The following STX7 variants were observed in gnomAD, a reference collection of about 807,000 sequenced individuals.
STX7 encodes syntaxin 7.
STX7 carries 34 observed loss-of-function variants against 39.6 expected under a neutral mutation model. That is an observed-to-expected ratio of 0.86 (90% CI 0.65 to 1.14). The LOEUF (loss-of-function observed/expected upper bound fraction) is 1.14, where lower values mean the gene tolerates loss of function less well. Among genes scored for constraint, STX7 ranks in the 50% most tolerant of loss-of-function variants. STX7 has a pLI of 0.00. For missense variants in STX7, 284 were observed against 310.4 expected (o/e 0.92, Z 0.64); for synonymous variants, 119 against 99.1 (o/e 1.20, Z -1.19).
Position 132,470,582 on chromosome 6 carries a change from G to T in STX7, c.432C>A (p.Ser144=). ...TGTTTTGTATTTCTTACCTTTCCCA[G>T]GATACAAGATTCCTTTCTTTTGAGC... is the stretch of plus-strand genomic sequence containing the variant. The part of the protein sequence containing the change: ...EDSSKERNLV[S]WESQTQPQVQ... Residue 144 remains serine (S), a synonymous_variant, in exon 6 of 10, where the codon TCC becomes TCA. Coordinates refer to ENST00000367941, the MANE Select transcript of STX7 (RefSeq NM_003569.3). The T allele has an allele frequency of 6.2e-7, 1 of 1,604,668 alleles. No individual in the cohort carries two copies. The highest frequency in any genetic ancestry group is 1.1e-5 in the South Asian group (1 of 89,962).
At chr6:132,470,650 G>T in intron 5 of STX7, 24 bp from the exon 6 acceptor site, 1 of 1,585,904 alleles carries the variant, frequency 6.3e-7, no homozygotes, top group Non-Finnish European at 8.6e-7. Context: ...TAACAGGATG[G>T]AATGAGAAGG....
In STX7 at chr6:132,471,491, G is replaced by A; in HGVS notation, c.359C>T (p.Ala120Val). The change falls in exon 5 of 10, where the codon GCT becomes GTT. Residue 120 changes from alanine (A) to valine (V), a missense_variant. Ala to Val is a moderately conservative substitution (Grantham distance 64). Coordinates refer to ENST00000367941, the MANE Select transcript of STX7 (RefSeq NM_003569.3). Reference protein sequence around the residue: ...QAAEREKEFVARVRASSRVSG... With the variant: ...QAAEREKEFVVRVRASSRVSG... ...CACTCTGGAACTGGCTCTTACTCGA[G>A]CAACAAACTCTTTCTCTCGCTCAGC... 6.2e-7 allele frequency: 1 copy of A among 1,613,860 alleles called. No homozygotes were observed. The highest frequency in any genetic ancestry group is 8.5e-7 in the Non-Finnish European group (1 of 1,179,866).
intron 2 of STX7, among the ~76,000 whole-genome samples, chr6:132,500,797 A>C (rs1775538536): frequency 6.6e-6 from 1 of 152,210 alleles, no homozygotes; most frequent in African/African-American, 2.4e-5. Context: ...TCTTATTAAT[A>C]AGTCTGAGAA....
chr6:132,473,172 TA>T (rs1774777719), intron 3 of STX7, among the ~76,000 whole-genome samples: 1 of 151,922 alleles, frequency 6.6e-6, no homozygotes, highest in South Asian at 2.1e-4. Flanking sequence ...AAAATAAAAA[TA>T]AAAAGGAAAG....
intron 8 of STX7, among the ~76,000 whole-genome samples, chr6:132,467,175 T>C (rs1774584925): frequency 6.6e-6 from 1 of 152,200 alleles, no homozygotes; most frequent in Non-Finnish European, 1.5e-5. Flanking sequence ...AAAACTGAAA[T>C]CTTCCTACCT....
chr6:132,470,679 G>A (rs1774691705), intron 5 of STX7, 53 bp from the exon 6 acceptor site: 3 of 1,334,692 alleles, frequency 2.2e-6, no homozygotes, highest in African/African-American at 1.5e-5. Context: ...AAGCAAAAAT[G>A]AGAAAAAATA....
At chr6:132,507,074 C>G (rs975141189) in intron 1 of STX7, among the ~76,000 whole-genome samples, 1 of 152,166 alleles carries the variant, frequency 6.6e-6, no homozygotes, top group East Asian at 1.9e-4. Context: ...GCTGCATGTT[C>G]TCACTTGTAA....
chr6:132,512,578 G>GTTTA (rs1006684026), intron 1 of STX7, among the ~76,000 whole-genome samples: 2 of 152,218 alleles, frequency 1.3e-5, no homozygotes, highest in Non-Finnish European at 2.9e-5. Flanking sequence ...TATTCGGGAA[G>GTTTA]TTTAGTGTGT....
chr6:132,475,360 G>C (rs1348745424), intron 3 of STX7: 2 of 277,896 alleles, frequency 7.2e-6, no homozygotes, highest in East Asian at 6.2e-5. Context: ...CTGAACTTGT[G>C]ATCTGCCCAC....
Position 132,452,423 on chromosome 6 carries a change from A to G in STX7, c.*8335T>C, listed in dbSNP as rs978141607. On this transcript the variant is annotated 3_prime_UTR_variant, in exon 10 of 10. Coordinates refer to ENST00000367941, the MANE Select transcript of STX7 (RefSeq NM_003569.3). The stretch of plus-strand genomic sequence containing the variant: ...AGGAAAAAAAAAAGGAATATAGGTC[A>G]GAAATGAAGAGATAAAACTATTCAT... 3 of 151,898 alleles carry G rather than the reference A, an allele frequency of 2.0e-5. No individual in the cohort carries two copies. Among genetic ancestry groups the G allele is most frequent in the South Asian group, 2.1e-4 (1 of 4,826 alleles). The allele number at this position is 151,898 out of a possible 1,614,324, so 9.4% of individuals were successfully genotyped here.
rs1774228739 is a variant in STX7, at chr6:132,455,812, T to A, written c.*4946A>T. 6.6e-6 allele frequency: 1 copy of A among 152,204 alleles called. No homozygotes were observed. The highest frequency in any genetic ancestry group is 2.1e-4 in the South Asian group (1 of 4,828). The allele number at this position is 152,204 out of a possible 1,614,324, so 9.4% of individuals were successfully genotyped here. A position where few individuals can be genotyped will look rare whatever the true frequency, so the allele number is the denominator to read the frequency against. ...CAAAGAATTAAAATTGGTGTATTGA[T>A]ATGGTATTTGAATAATGAGAAAATG... On this transcript the variant is annotated 3_prime_UTR_variant, in exon 10 of 10. Coordinates refer to ENST00000367941, the MANE Select transcript of STX7 (RefSeq NM_003569.3).
At chr6:132,505,872 T>C (rs895304673) in intron 1 of STX7, among the ~76,000 whole-genome samples, 20 of 151,132 alleles carry the variant, frequency 1.3e-4, no homozygotes, top group African/African-American at 4.6e-4. Context: ...TAAAACAGCA[T>C]GATATTCATA....
At chr6:132,478,318 AT>A (rs1774926669) in intron 2 of STX7, among the ~76,000 whole-genome samples, 1 of 152,252 alleles carries the variant, frequency 6.6e-6, no homozygotes, top group Non-Finnish European at 1.5e-5. Context: ...TGAATGCTAT[AT>A]AAAATTACTC....
At chr6:132,481,741 AC>A (rs1427212317) in intron 2 of STX7, among the ~76,000 whole-genome samples, 1 of 152,244 alleles carries the variant, frequency 6.6e-6, no homozygotes, top group African/African-American at 2.4e-5. Flanking sequence ...GGACAAAAAA[AC>A]CCCAAAAGTA....
intron 2 of STX7, among the ~76,000 whole-genome samples, chr6:132,485,442 G>A (rs1578075): frequency 0.24 from 36,428 of 151,938 alleles, 4,953 homozygotes; most frequent in East Asian, 0.65. Context: ...GTTGTTTCCC[G>A]TTTTTGTCCA....
At position 132,478,157 on chromosome 6, in the gene STX7, G is replaced by A. The variant is rs189221632; in HGVS notation, c.86-2495C>T. Among the ~76,000 whole-genome samples, 369 of 151,858 alleles carry A rather than the reference G, an allele frequency of 2.4e-3. 4 individuals are homozygous for A. Among genetic ancestry groups the A allele is most frequent in the East Asian group, 5.6e-3 (29 of 5,178 alleles). ...GTATATCTATATAACAAACATGCAC[G>A]TTCTGTACATGTATCCCAGAACTTA... On this transcript the variant is annotated intron_variant, in intron 2 of 9. Coordinates refer to ENST00000367941, the MANE Select transcript of STX7 (RefSeq NM_003569.3).
chr6:132,496,739 A>G (rs1168941160), intron 2 of STX7, among the ~76,000 whole-genome samples: 3 of 152,192 alleles, frequency 2.0e-5, no homozygotes. Context: ...AAGGTTCGAG[A>G]GCTTACTCAA....
Position 132,471,489 on chromosome 6 carries a change from G to C in STX7, c.361C>G (p.Arg121Gly). 6.2e-7 allele frequency: 1 copy of C among 1,613,688 alleles called. No individual in the cohort carries two copies. Among genetic ancestry groups the C allele is most frequent in the Non-Finnish European group, 8.5e-7 (1 of 1,179,842 alleles). Residue 121 changes from arginine to glycine, a missense_variant, in exon 5 of 10, where the codon CGA (arginine) becomes GGA (glycine). Coordinates refer to ENST00000367941, the MANE Select transcript of STX7 (RefSeq NM_003569.3). The stretch of plus-strand genomic sequence containing the variant: ...GACACTCTGGAACTGGCTCTTACTC[G>C]AGCAACAAACTCTTTCTCTCGCTCA... ...AAEREKEFVA[R>G]VRASSRVSGS...
chr6:132,500,222 G>T (rs1275395066), intron 2 of STX7, among the ~76,000 whole-genome samples: 1 of 96,658 alleles, frequency 1.0e-5, no homozygotes, highest in South Asian at 3.4e-4. Context: ...TCTCTCCTCT[G>T]CTTAAATGCC....
Sources: gnomAD v4.1 joint callset for allele counts (sites outside exome capture counted in the v4.1 genomes callset) on GRCh38, gnomAD v4.1.1 for gene constraint, MANE v1.5 for transcripts, NCBI Gene and HGNC (gene_info 2026-07-23, HGNC 2026-07-21) for gene names.